Variants in CYRIA observed in about 807,000 individuals in gnomAD.
CYRIA encodes the protein CYFIP related Rac1 interactor A, also known as CYFIP-related Rac1 interactor A.
Under a neutral mutation model 43.9 loss-of-function variants are expected in CYRIA, and 15 were observed. The observed-to-expected ratio is 0.34, with a 90% CI of 0.23 to 0.53. CYRIA has a LOEUF of 0.53. Among genes scored for constraint, CYRIA ranks in the 20% least tolerant of loss-of-function variants. The pLI, the probability that CYRIA is intolerant of heterozygous loss-of-function variation, is 0.94. For synonymous variants in CYRIA, 117 were observed against 136.0 expected, an observed-to-expected ratio of 0.86 and a Z score of 0.97; for missense variants, 236 against 394.2, an observed-to-expected ratio of 0.60 and a Z score of 3.40.
At chr2:16,555,722 T>C (rs1666484567) in intron 10 of CYRIA, among the ~76,000 whole-genome samples, 1 of 152,118 alleles carries the variant, frequency 6.6e-6, no homozygotes, top group South Asian at 2.1e-4. Context: ...GTGCTCCCAA[T>C]ACGACTCTGT....
At chr2:16,618,692 C>T (rs887368084) in intron 2 of CYRIA, among the ~76,000 whole-genome samples, 1 of 152,148 alleles carries the variant, frequency 6.6e-6, no homozygotes, top group African/African-American at 2.4e-5. Flanking sequence ...AGAGATGATT[C>T]TGTAAGGAGG....
At chr2:16,629,555 G>A (rs1011671857) in intron 1 of CYRIA, among the ~76,000 whole-genome samples, 2 of 152,190 alleles carry the variant, frequency 1.3e-5, no homozygotes, top group African/African-American at 4.8e-5. Flanking sequence ...GAGCATCATA[G>A]GACCTCGAGG....
intron 1 of CYRIA, among the ~76,000 whole-genome samples, chr2:16,659,676 G>A (rs1274028247): frequency 1.3e-5 from 2 of 152,218 alleles, no homozygotes; most frequent in Non-Finnish European, 2.9e-5. Flanking sequence ...CCTGCATCTG[G>A]TTGCCAATGC....
At chr2:16,657,018 G>A (rs763687651) in intron 1 of CYRIA, among the ~76,000 whole-genome samples, 4 of 152,216 alleles carry the variant, frequency 2.6e-5, no homozygotes, top group African/African-American at 7.2e-5. Context: ...GGGGCTGGCA[G>A]AAGTTACCAG....
chr2:16,609,076 T>C (rs556282690), intron 2 of CYRIA, among the ~76,000 whole-genome samples: 17 of 152,228 alleles, frequency 1.1e-4, no homozygotes, highest in Admixed American at 5.2e-4. Flanking sequence ...CAAGCGGACA[T>C]TGTAAGGCTG....
At chr2:16,580,052 A>G (rs531014226) in intron 3 of CYRIA, among the ~76,000 whole-genome samples, 2 of 152,160 alleles carry the variant, frequency 1.3e-5, no homozygotes, top group African/African-American at 4.8e-5. Flanking sequence ...GCCTCGAGCA[A>G]TCCTCCTGCC....
At position 16,561,441 on chromosome 2, in the gene CYRIA, G is replaced by A. The variant is rs200518486; in HGVS notation, c.513+15C>T. ...TGGAGAAGGGTGCAAAGGTCAAGGC[G>A]ACCCAGGGACTCACGTGCATGTTGT... On this transcript the variant is annotated intron_variant, in intron 7 of 11. Coordinates refer to ENST00000381323, the MANE Select transcript of CYRIA (RefSeq NM_030797.4). 12 of 1,612,122 alleles carry A rather than the reference G, an allele frequency of 7.4e-6. No individual in the cohort carries two copies. The East Asian group carries it at 1.1e-4, about 15-fold the overall frequency.
chr2:16,624,613 C>T (rs1669100086), intron 1 of CYRIA, among the ~76,000 whole-genome samples: 1 of 152,212 alleles, frequency 6.6e-6, no homozygotes, highest in African/African-American at 2.4e-5. Context: ...AGGTCTCTCT[C>T]TCTCTCTCTC....
intron 1 of CYRIA, among the ~76,000 whole-genome samples, chr2:16,647,524 T>C (rs1041329593): frequency 2.6e-5 from 4 of 152,198 alleles, no homozygotes; most frequent in Admixed American, 6.5e-5. Flanking sequence ...TAGCACACGA[T>C]GTGTCCTCAG....
chr2:16,572,663 T>C (rs767969353), intron 3 of CYRIA, among the ~76,000 whole-genome samples: 3 of 152,188 alleles, frequency 2.0e-5, no homozygotes, highest in Non-Finnish European at 4.4e-5. Flanking sequence ...TAGGTCAACA[T>C]AGTCAGAGTA....
chr2:16,658,132 G>A (rs143361208), intron 1 of CYRIA, among the ~76,000 whole-genome samples: 157 of 152,278 alleles, frequency 1.0e-3, no homozygotes, highest in African/African-American at 3.7e-3. Flanking sequence ...TGATGCTGAT[G>A]AGAATCATTA....
At chr2:16,561,300 A>G (rs1451692954) in intron 7 of CYRIA, 23 bp from the exon 8 acceptor site, 5 of 1,565,924 alleles carry the variant, frequency 3.2e-6, no homozygotes, top group Non-Finnish European at 4.4e-6. Context: ...AGAAGAGAAG[A>G]TGGATTTATA....
At position 16,552,803 on chromosome 2, in the gene CYRIA, G is replaced by C; in HGVS notation, c.*133C>G. 1 of 643,740 alleles carries C rather than the reference G, an allele frequency of 1.6e-6. No homozygotes were observed. Among genetic ancestry groups the C allele is most frequent in the South Asian group, 1.8e-5 (1 of 54,406 alleles). 39.9% of individuals were successfully genotyped at this position (643,740 alleles called of 1,614,324 possible). ...TTGAGTCAGTCAGGATACAAATTAAGGTCCATATATTTCAGTGACAAGAAG... is the reference window on the plus strand; with the variant it reads ...TTGAGTCAGTCAGGATACAAATTAACGTCCATATATTTCAGTGACAAGAAG... On this transcript the variant is annotated 3_prime_UTR_variant, in exon 12 of 12. Coordinates refer to ENST00000381323, the MANE Select transcript of CYRIA (RefSeq NM_030797.4).
intron 3 of CYRIA, among the ~76,000 whole-genome samples, chr2:16,587,305 G>T (rs1178103851): frequency 2.0e-5 from 3 of 152,068 alleles, no homozygotes; most frequent in African/African-American, 7.2e-5. Flanking sequence ...ATGTGATACA[G>T]TAATTCATAA....
intron 1 of CYRIA, 59 bp downstream of exon 1, chr2:16,665,721 C>G (rs1248974760): frequency 2.7e-5 from 4 of 148,084 alleles, no homozygotes; most frequent in Non-Finnish European, 6.0e-5. Context: ...CAGGCCGAGC[C>G]CCGCGCCCGC....
Position 16,564,230 on chromosome 2 carries a change from CG to C in CYRIA, c.193-137del, listed in dbSNP as rs1666848824. On this transcript the variant is annotated intron_variant, in intron 4 of 11. Coordinates refer to ENST00000381323, the MANE Select transcript of CYRIA (RefSeq NM_030797.4). The stretch of plus-strand genomic sequence containing the variant: ...ACTACTTAAATCAACACCGGTTCAT[CG>C]GATGGTCCTCCAACATGCTCAATAT... 1.5e-5 allele frequency: 9 copies of C among 598,324 alleles called. No homozygotes were observed. The East Asian group carries it at 2.7e-4, about 18-fold the overall frequency. 37.1% of individuals were successfully genotyped at this position (598,324 alleles called of 1,614,324 possible).
In CYRIA at chr2:16,646,427, G is replaced by T. The variant is rs77684267; in HGVS notation, c.-167+19353C>A. ...GAGGCAGAGCTTTTGAAAATGGAGAGAACTTGTATAGGCAAAAGAAGTCTC... is the reference window on the plus strand; with the variant it reads ...GAGGCAGAGCTTTTGAAAATGGAGATAACTTGTATAGGCAAAAGAAGTCTC... On this transcript the variant is annotated intron_variant, in intron 1 of 11. Transcript: ENST00000381323. 6.5e-3 allele frequency among the ~76,000 whole-genome samples: 991 copies of T among 152,316 alleles called. 46 individuals carry two copies. The East Asian group carries it at 0.11, about 16-fold the overall frequency.
At chr2:16,587,567 A>G (rs1167574349) in intron 3 of CYRIA, among the ~76,000 whole-genome samples, 3 of 152,124 alleles carry the variant, frequency 2.0e-5, no homozygotes, top group Non-Finnish European at 2.9e-5. Context: ...ATTTCAGAAA[A>G]AAAAATGCAT....
chr2:16,583,114 T>C (rs1667607323), intron 3 of CYRIA, among the ~76,000 whole-genome samples: 1 of 152,238 alleles, frequency 6.6e-6, no homozygotes, highest in Non-Finnish European at 1.5e-5. Context: ...TGACTAATGA[T>C]AGTGAACATC....
Sources: allele counts gnomAD v4.1 joint callset (sites outside exome capture counted in the v4.1 genomes callset), GRCh38; gene constraint gnomAD v4.1.1; transcripts MANE v1.5; gene names NCBI Gene and HGNC (gene_info 2026-07-23, HGNC 2026-07-21).